The following CGA variants were observed in gnomAD, a reference collection of about 807,000 sequenced individuals.
The protein encoded by CGA is glycoprotein hormones, alpha polypeptide.
A neutral mutation model predicts 12.0 loss-of-function variants in CGA; 4 were observed. That is an observed-to-expected ratio of 0.33 (90% CI 0.16 to 0.76). The LOEUF is 0.76. Among genes scored for constraint, CGA ranks in the 30% least tolerant of loss-of-function variants. The pLI, the probability that CGA is intolerant of heterozygous loss-of-function variation, is 0.60. For missense variants in CGA, 102 were observed against 143.5 expected (o/e 0.71, Z 1.48); for synonymous variants, 60 against 56.6 (o/e 1.06, Z -0.27).
At chr6:87,094,860 C>T (rs1769508030) in intron 1 of CGA, 153 bp downstream of exon 1, 1 of 152,154 alleles carries the variant, frequency 6.6e-6, no homozygotes, top group Admixed American at 6.5e-5. Context: ...TACAGACTTC[C>T]TTCTAATTCA....
At chr6:87,086,519 G>A (rs1248617406) in intron 2 of CGA, 85 bp from the exon 3 acceptor site, 1 of 1,309,262 alleles carries the variant, frequency 7.6e-7, no homozygotes, top group African/African-American at 1.5e-5. Context: ...GCTCACGCCT[G>A]TAATCCTAGC....
intron 1 of CGA, among the ~76,000 whole-genome samples, chr6:87,092,162 C>T (rs1769444422): frequency 6.6e-6 from 1 of 152,040 alleles, no homozygotes; most frequent in African/African-American, 2.4e-5. Flanking sequence ...GTGTTTACTG[C>T]TATGGCAGAT....
chr6:87,088,351 C>A, intron 1 of CGA, 144 bp from the exon 2 acceptor site: 2 of 446,546 alleles, frequency 4.5e-6, no homozygotes, highest in Non-Finnish European at 7.9e-6. Context: ...TAGCTCCCAA[C>A]ATATACTAAA....
In CGA at chr6:87,085,739, A is replaced by T; in HGVS notation, c.*17T>A. The T allele has an allele frequency of 1.9e-6, 3 of 1,567,742 alleles. No individual in the cohort carries two copies. The highest frequency in any genetic ancestry group is 2.6e-6 in the Non-Finnish European group (3 of 1,139,112). On this transcript the variant is annotated 3_prime_UTR_variant, in exon 4 of 4. Transcript: ENST00000627148. ...CCAGAAAATCAGCAGTCATCAAGAC[A>T]GCACTTGGTAAAACATTTAAGATTT...
chr6:87,091,683 A>T (rs1769435096), intron 1 of CGA, among the ~76,000 whole-genome samples: 1 of 152,284 alleles, frequency 6.6e-6, no homozygotes, highest in South Asian at 2.1e-4. Context: ...AGTTTTCTCA[A>T]CTTGGCCTTC....
intron 1 of CGA, among the ~76,000 whole-genome samples, chr6:87,092,742 C>CTTTTT (rs35436814): frequency 3.8e-4 from 30 of 78,016 alleles, no homozygotes; most frequent in Non-Finnish European, 5.3e-4. Flanking sequence ...CATTAGCTTT[C>CTTTTT]TTTTTTTTTT....
chr6:87,085,618 G>A lies in CGA; in HGVS notation c.*138C>T, dbSNP rs892207349. On this transcript the variant is annotated 3_prime_UTR_variant, in exon 4 of 4. Transcript: ENST00000627148. ...GGATAAGGAGGAAGGCAGTAAAGCT[G>A]CAGTATATCCTTGAAGCGTGTCAAA... 3.1e-6 allele frequency: 2 copies of A among 651,602 alleles called. No homozygotes were observed. The highest frequency in any genetic ancestry group is 4.9e-5 in the Admixed American group (2 of 40,898). The allele number at this position is 651,602 out of a possible 1,614,324, so 40.4% of individuals were successfully genotyped here.
intron 1 of CGA, among the ~76,000 whole-genome samples, chr6:87,093,357 T>C (rs1206658234): frequency 6.6e-6 from 1 of 152,200 alleles, no homozygotes; most frequent in Non-Finnish European, 1.5e-5. Flanking sequence ...TACCCCTAAG[T>C]GCCCCACCTT....
intron 1 of CGA, among the ~76,000 whole-genome samples, chr6:87,091,370 A>G (rs1167359363): frequency 6.6e-6 from 1 of 152,244 alleles, no homozygotes; most frequent in Admixed American, 6.5e-5. Flanking sequence ...TTTTGAAAGC[A>G]TTTTAATAAA....
In CGA at chr6:87,085,539, C is replaced by CT; in HGVS notation, c.*216dup. On this transcript the variant is annotated 3_prime_UTR_variant, in exon 4 of 4. Coordinates refer to ENST00000627148, the MANE Select transcript of CGA (RefSeq NM_000735.4). ...AAGGCTTTATTTGCAGTGGAACAAG[C>CT]TAAATGCTGTATTCATTCCAAATGA... is the stretch of plus-strand genomic sequence containing the variant. 2.1e-6 allele frequency: 1 copy of CT among 483,652 alleles called. No homozygotes were observed. The highest frequency in any genetic ancestry group is 3.5e-5 in the Admixed American group (1 of 28,766). The allele number at this position is 483,652 out of a possible 1,614,324, so 30.0% of individuals were successfully genotyped here. A position where few individuals can be genotyped will look rare whatever the true frequency, so the allele number is the denominator to read the frequency against.
chr6:87,086,722 G>A, intron 2 of CGA: 1 of 289,104 alleles, frequency 3.5e-6, no homozygotes, highest in Non-Finnish European at 6.4e-6. Flanking sequence ...GGAGGTCGAG[G>A]CTACAGTGAG....
chr6:87,090,477 G>T (rs531280986), intron 1 of CGA, among the ~76,000 whole-genome samples: 3 of 151,652 alleles, frequency 2.0e-5, no homozygotes, highest in South Asian at 2.1e-4. Context: ...ATTTTTTTTT[G>T]AAAATTGTCA....
At position 87,094,764 on chromosome 6, in the gene CGA, G is replaced by C. The variant is rs1029046366; in HGVS notation, c.-8+249C>G. The stretch of plus-strand genomic sequence containing the variant: ...TTCTTGAGGAAAATTTTTAGATCCT[G>C]ACAGGCACTCAAGCATCTCAGCAGG... On this transcript the variant is annotated intron_variant, in intron 1 of 3. Coordinates refer to ENST00000627148, the MANE Select transcript of CGA (RefSeq NM_000735.4). 2.6e-5 allele frequency: 4 copies of C among 152,310 alleles called. No individual in the cohort carries two copies. The East Asian group carries it at 7.7e-4, about 29-fold the overall frequency. The allele number at this position is 152,310 out of a possible 1,614,324, so 9.4% of individuals were successfully genotyped here.
intron 1 of CGA, among the ~76,000 whole-genome samples, chr6:87,090,980 G>T (rs965321589): frequency 2.0e-5 from 3 of 151,486 alleles, no homozygotes; most frequent in Non-Finnish European, 4.4e-5. Flanking sequence ...GTGTAAACAG[G>T]TTCTGAGATC....
chr6:87,086,513 A>C, intron 2 of CGA, 79 bp from the exon 3 acceptor site: 191 of 1,403,424 alleles, frequency 1.4e-4, no homozygotes, highest in Non-Finnish European at 1.7e-4. Flanking sequence ...ACAGTAGCTC[A>C]CGCCTGTAAT....
chr6:87,090,673 T>C (rs1240466276), intron 1 of CGA, among the ~76,000 whole-genome samples: 1 of 138,780 alleles, frequency 7.2e-6, no homozygotes, highest in Admixed American at 8.2e-5. Context: ...AGTCTCCCTC[T>C]ATTGTCCAGG....
intron 1 of CGA, among the ~76,000 whole-genome samples, chr6:87,093,544 C>G (rs1206577884): frequency 6.6e-6 from 1 of 152,218 alleles, no homozygotes; most frequent in African/African-American, 2.4e-5. Flanking sequence ...CTAGGATTCA[C>G]AACCTGTAAA....
chr6:87,088,948 T>C (rs1769379544), intron 1 of CGA: 1 of 152,180 alleles, frequency 6.6e-6, no homozygotes, highest in Non-Finnish European at 1.5e-5. Context: ...TATATATAAA[T>C]ATTCATAGAA....
Position 87,086,381 on chromosome 6 carries a change from G to C in CGA, c.142C>G (p.Pro48Ala). ...CAGCAGCCCATGCACTGAAGTATTG[G>C]GGCACCCGGCTGGGAGAAGAATGGG... ...ENPFFSQPGA[P>A]ILQCMGCCFS... Residue 48 changes from proline (P) to alanine (A), a missense_variant, in exon 3 of 4, where the codon CCA becomes GCA. Physicochemically the swap from Pro to Ala is conservative, Grantham distance 27. Coordinates refer to ENST00000627148, the MANE Select transcript of CGA (RefSeq NM_000735.4). 1.2e-6 allele frequency: 2 copies of C among 1,613,746 alleles called. No homozygotes were observed. Among genetic ancestry groups the C allele is most frequent in the Non-Finnish European group, 1.7e-6 (2 of 1,179,860 alleles).
Sources: gnomAD v4.1 joint callset for allele counts (sites outside exome capture counted in the v4.1 genomes callset) on GRCh38, gnomAD v4.1.1 for gene constraint, MANE v1.5 for transcripts, NCBI Gene and HGNC (gene_info 2026-07-23, HGNC 2026-07-21) for gene names.